Variants in NGEF observed in about 807,000 individuals in gnomAD.
NGEF encodes the protein neuronal guanine nucleotide exchange factor.
A neutral mutation model predicts 80.9 loss-of-function variants in NGEF; 31 were observed. The ratio of observed to expected loss-of-function variants is 0.38; its 90% CI spans 0.29 to 0.52. The LOEUF (loss-of-function observed/expected upper bound fraction) is 0.52. Among genes scored for constraint, NGEF ranks in the 20% least tolerant of loss-of-function variants. NGEF has a pLI of 0.84. For missense variants in NGEF, 709 were observed against 926.2 expected, an observed-to-expected ratio of 0.77 and a Z score of 3.04; for synonymous variants, 371 against 370.2, an observed-to-expected ratio of 1.00 and a Z score of -0.03.
intron 1 of NGEF, among the ~76,000 whole-genome samples, chr2:232,990,254 A>G (rs1694624266): frequency 6.6e-6 from 1 of 152,138 alleles, no homozygotes; most frequent in Non-Finnish European, 1.5e-5. Context: ...ACAAGTTAGA[A>G]AGTGGAGAGA....
chr2:232,954,973 C>T (rs2106309298), intron 3 of NGEF, among the ~76,000 whole-genome samples: 1 of 152,010 alleles, frequency 6.6e-6, no homozygotes, highest in Middle Eastern at 3.4e-3. Context: ...CTGTTCTCAG[C>T]ACTTTACGGA....
At chr2:232,933,316 A>T (rs557474790) in intron 3 of NGEF, among the ~76,000 whole-genome samples, 1 of 151,824 alleles carries the variant, frequency 6.6e-6, no homozygotes, top group Non-Finnish European at 1.5e-5. Context: ...CAGTGCACCC[A>T]CCGTCTCCCC....
At chr2:232,994,650 G>T (rs1694741227) in intron 1 of NGEF, among the ~76,000 whole-genome samples, 1 of 152,120 alleles carries the variant, frequency 6.6e-6, no homozygotes, top group Non-Finnish European at 1.5e-5. Context: ...TCCCCGTTCG[G>T]CCCTTCGCTG....
At chr2:232,908,535 A>G (rs1319464938) in intron 5 of NGEF, among the ~76,000 whole-genome samples, 1 of 151,460 alleles carries the variant, frequency 6.6e-6, no homozygotes, top group Non-Finnish European at 1.5e-5. Flanking sequence ...TTCTTTTTTC[A>G]TGTAGTCATT....
At chr2:232,927,932 C>A in intron 3 of NGEF, 1 of 1,343,988 alleles carries the variant, frequency 7.4e-7, no homozygotes, top group Admixed American at 3.1e-5. Context: ...GCGCGCGTCG[C>A]TTTCCGAGGT....
chr2:232,879,605 T>A lies in NGEF; in HGVS notation c.2017A>T (p.Asn673Tyr), dbSNP rs747506129. ...AGGTTCTGGGACCGGATCTTGGGAT[T>A]CAAGATCTCCTCAGTCATGGAGCTG... ...FPSSMTEEILNPKIRSQNLKE... is the reference protein window; with the variant it reads ...FPSSMTEEILYPKIRSQNLKE... Residue 673 changes from asparagine to tyrosine, a missense_variant, in exon 15 of 15, where the codon AAT (asparagine) becomes TAT (tyrosine). Asn to Tyr is a moderately radical substitution (Grantham distance 143, BLOSUM62 -2). Around this residue, in one of 2 missense-constraint regions of NGEF, gnomAD observed 426 missense variants for 622.9 expected, o/e 0.68. Transcript: ENST00000264051. 6.2e-7 allele frequency: 1 copy of A among 1,613,712 alleles called. No individual in the cohort carries two copies. The highest frequency in any genetic ancestry group is 1.1e-5 in the South Asian group (1 of 91,082).
At chr2:232,902,238 C>T (rs1266706844) in intron 5 of NGEF, among the ~76,000 whole-genome samples, 5 of 152,234 alleles carry the variant, frequency 3.3e-5, no homozygotes, top group East Asian at 1.9e-4. Context: ...TCAGGATGCA[C>T]GGAAGTGACT....
intron 1 of NGEF, among the ~76,000 whole-genome samples, chr2:233,000,513 T>C: frequency 6.6e-6 from 1 of 151,928 alleles, no homozygotes; most frequent in African/African-American, 2.4e-5. Flanking sequence ...ATCCCAGCAC[T>C]TTGGGAGGCC....
chr2:232,997,322 TGTC>T (rs952500728), intron 1 of NGEF, among the ~76,000 whole-genome samples: 1 of 152,146 alleles, frequency 6.6e-6, no homozygotes, highest in Non-Finnish European at 1.5e-5. Context: ...AGCCTGCCCT[TGTC>T]GTTGTTGTTG....
chr2:232,918,086 G>A (rs1476954728), intron 5 of NGEF, among the ~76,000 whole-genome samples: 3 of 152,152 alleles, frequency 2.0e-5, no homozygotes, highest in Non-Finnish European at 4.4e-5. Context: ...CCTGAGTAGA[G>A]TAGCTGGGAC....
chr2:232,899,796 TCACACACACGC>T (rs1692230608), intron 5 of NGEF, among the ~76,000 whole-genome samples: 1 of 119,708 alleles, frequency 8.4e-6, no homozygotes, highest in Admixed American at 8.3e-5. Flanking sequence ...TCACATTCAC[TCACACACACGC>T]TCTCAGTCAC....
Position 232,900,452 on chromosome 2 carries a change from GTTCACTCACATTCACTCACA to G in NGEF, c.829-5556_829-5537del, listed in dbSNP as rs1692294860. Among the ~76,000 whole-genome samples, 2 of 52,820 alleles carry G rather than the reference GTTCACTCACATTCACTCACA, an allele frequency of 3.8e-5. 1 individual carries two copies. Among genetic ancestry groups the G allele is most frequent in the Non-Finnish European group, 7.6e-5 (2 of 26,448 alleles). The allele number at this position is 52,820 out of a possible 152,430, so 34.7% of individuals were successfully genotyped here. ...TGCTCTCACAGTCACTCATATACACGTTCACTCACATTCACTCACACACACGCTCTCACAGTCACTCATAT... is the reference window on the plus strand; with the variant it reads ...TGCTCTCACAGTCACTCATATACACGCACACGCTCTCACAGTCACTCATAT... On this transcript the variant is annotated intron_variant, in intron 5 of 14. Transcript: ENST00000264051.
chr2:232,890,639 G>A (rs932719576), intron 8 of NGEF, among the ~76,000 whole-genome samples: 12 of 152,090 alleles, frequency 7.9e-5, no homozygotes, highest in East Asian at 3.9e-4. Flanking sequence ...GGTAAAAGCC[G>A]AGGAATCACT....
At chr2:232,927,257 G>A in intron 3 of NGEF, 71 bp from the exon 4 acceptor site, 3 of 1,464,588 alleles carry the variant, frequency 2.0e-6, no homozygotes, top group Non-Finnish European at 2.7e-6. Context: ...GCTAGCGAGG[G>A]GCGTGCGCAC....
intron 5 of NGEF, among the ~76,000 whole-genome samples, 182 bp downstream of exon 5, chr2:232,920,102 G>T (rs188682503): frequency 6.6e-6 from 1 of 152,318 alleles, no homozygotes; most frequent in East Asian, 1.9e-4. Flanking sequence ...AGGTAGCTGG[G>T]TGTCTCTTGC....
chr2:232,912,272 GT>G (rs903688670), intron 5 of NGEF, among the ~76,000 whole-genome samples: 4 of 151,534 alleles, frequency 2.6e-5, no homozygotes, highest in South Asian at 2.1e-4. Context: ...TAACCATGCA[GT>G]TTTTTTTTCT....
At chr2:233,006,915 G>A (rs1264445962) in intron 1 of NGEF, among the ~76,000 whole-genome samples, 1 of 152,124 alleles carries the variant, frequency 6.6e-6, no homozygotes, top group African/African-American at 2.4e-5. Context: ...TTAAAAACAT[G>A]ATTTCTAAAC....
At chr2:232,900,755 C>T (rs1279632146) in intron 5 of NGEF, among the ~76,000 whole-genome samples, 1 of 71,064 alleles carries the variant, frequency 1.4e-5, no homozygotes, top group Non-Finnish European at 2.5e-5. Context: ...CTCACATTCA[C>T]TCACACACAC....
intron 12 of NGEF, among the ~76,000 whole-genome samples, chr2:232,883,054 C>CACACGA (rs1463942326): frequency 1.9e-4 from 4 of 21,432 alleles, no homozygotes; most frequent in African/African-American, 7.6e-4. Flanking sequence ...CCCAAGGGAA[C>CACACGA]ACACACACAC....
Sources: gnomAD v4.1 joint callset for allele counts (sites outside exome capture counted in the v4.1 genomes callset) on GRCh38, gnomAD v4.1.1 for gene constraint, gnomAD v4.1.1 regional missense constraint, MANE v1.5 for transcripts, NCBI Gene and HGNC (gene_info 2026-07-23, HGNC 2026-07-21) for gene names.